SNX2: variants seen among roughly 807,000 people sequenced by gnomAD.
The protein encoded by SNX2 is sorting nexin-2.
Under a neutral mutation model 69.9 loss-of-function variants are expected in SNX2, and 25 were observed. That is an observed-to-expected ratio of 0.36 (90% CI 0.26 to 0.50). SNX2 has a LOEUF of 0.50. Ranked by LOEUF, SNX2 falls within the 20% of genes least tolerant of loss-of-function variation. The pLI is 0.97. For missense variants in SNX2, 551 were observed against 613.3 expected (o/e 0.90, Z 1.07); for synonymous variants, 229 against 200.4 (o/e 1.14, Z -1.20).
chr5:122,823,500 A>G (rs952151250), intron 11 of SNX2, among the ~76,000 whole-genome samples: 9 of 152,222 alleles, frequency 5.9e-5, no homozygotes, highest in East Asian at 1.9e-4. Flanking sequence ...TAGCATATCA[A>G]TGGAAAAGCC....
At chr5:122,808,433 T>C in intron 7 of SNX2, 78 bp downstream of exon 7, 1 of 1,039,896 alleles carries the variant, frequency 9.6e-7, no homozygotes, top group Non-Finnish European at 1.4e-6. Context: ...ATGGCAAAAC[T>C]GTGTTTTAAT....
At position 122,831,765 on chromosome 5, in the gene SNX2, G is replaced by A. The variant is rs939645744; in HGVS notation, c.*2117G>A. On this transcript the variant is annotated 3_prime_UTR_variant, in exon 15 of 15. Transcript: ENST00000379516. ...AAAGGTATAGTTTACACATAGGATG[G>A]TTATTCAAGTTATTATTAAAATCTT... Among the ~76,000 whole-genome samples the A allele has an allele frequency of 2.6e-5, 4 of 152,096 alleles. No individual in the cohort carries two copies. Among genetic ancestry groups the A allele is most frequent in the Non-Finnish European group, 5.9e-5 (4 of 68,024 alleles).
Position 122,817,266 on chromosome 5 carries a change from C to T in SNX2, c.913-14C>T. Reference sequence around the variant, plus strand: ...TTCTTCCTAAATTAGCTCCATTTTTCATTTTTTTCTTAGTGGTTTGAAGAA... The same window carrying T: ...TTCTTCCTAAATTAGCTCCATTTTTTATTTTTTTCTTAGTGGTTTGAAGAA... On this transcript the variant is annotated splice_polypyrimidine_tract_variant and intron_variant, in intron 9 of 14. Transcript: ENST00000379516. The T allele has an allele frequency of 6.2e-7, 1 of 1,609,894 alleles. No homozygotes were observed.
rs764868085 is a variant in SNX2 at position 122,801,973 on chromosome 5, ATTAG to A, written c.457+41_457+44del. The stretch of plus-strand genomic sequence containing the variant: ...TTATTATATTTTGTATTTACTTTTT[ATTAG>A]TTTGTTGGTTTTGTATGGTTTTTCT... On this transcript the variant is annotated intron_variant, in intron 4 of 14. Transcript: ENST00000379516. 1.9e-6 allele frequency: 3 copies of A among 1,546,852 alleles called. No individual in the cohort carries two copies. In the Admixed American group the frequency reaches 5.1e-5, roughly 26 times the overall value.
chr5:122,777,708 T>A (rs943837718), intron 1 of SNX2, among the ~76,000 whole-genome samples: 25 of 152,346 alleles, frequency 1.6e-4, no homozygotes, highest in Admixed American at 1.6e-3. Flanking sequence ...TTATTATTTT[T>A]AATTGACACA....
chr5:122,777,901 A>G (rs1752889600), intron 1 of SNX2, among the ~76,000 whole-genome samples: 1 of 152,212 alleles, frequency 6.6e-6, no homozygotes, highest in African/African-American at 2.4e-5. Flanking sequence ...ATTTTAGTCA[A>G]TGTATGGTGT....
chr5:122,798,245 A>G (rs1753429308), intron 2 of SNX2, among the ~76,000 whole-genome samples: 1 of 152,204 alleles, frequency 6.6e-6, no homozygotes, highest in East Asian at 1.9e-4. Context: ...TCACAGCCTG[A>G]ATTGCATATA....
At chr5:122,785,348 A>G (rs956578336) in intron 1 of SNX2, among the ~76,000 whole-genome samples, 7 of 151,492 alleles carry the variant, frequency 4.6e-5, no homozygotes, top group Non-Finnish European at 8.8e-5. Flanking sequence ...GAGTCACACT[A>G]TGTTGCCCAG....
intron 1 of SNX2, chr5:122,775,680 T>C: frequency 1.0e-6 from 1 of 986,270 alleles, no homozygotes; most frequent in African/African-American, 1.7e-5. Context: ...GGGGAACGAA[T>C]GGGTGCACTT....
At chr5:122,829,542 C>T (rs544581455) in intron 14 of SNX2, 56 bp from the exon 15 acceptor site, 32 of 1,355,116 alleles carry the variant, frequency 2.4e-5, no homozygotes, top group East Asian at 9.4e-5. Flanking sequence ...AGGATATATG[C>T]ATATAAATGA....
intron 11 of SNX2, 143 bp from the exon 12 acceptor site, chr5:122,825,907 C>A (rs189539710): frequency 1.4e-5 from 9 of 634,198 alleles, no homozygotes; most frequent in Non-Finnish European, 1.9e-5. Flanking sequence ...TTGATATTGG[C>A]ATACTTACTT....
At chr5:122,781,948 G>C (rs1018183287) in intron 1 of SNX2, among the ~76,000 whole-genome samples, 18 of 151,972 alleles carry the variant, frequency 1.2e-4, no homozygotes, top group African/African-American at 4.1e-4. Flanking sequence ...CTATGCTCTT[G>C]AGATTAATTA....
chr5:122,798,712 C>T (rs1753441436), intron 2 of SNX2, among the ~76,000 whole-genome samples: 1 of 152,108 alleles, frequency 6.6e-6, no homozygotes, highest in African/African-American at 2.4e-5. Context: ...CCTTTCCTGG[C>T]TCTGCTTTTT....
In SNX2 at chr5:122,829,696, TG is replaced by T. The variant is rs766584412; in HGVS notation, c.*49del. ...AAGACCTTGGATGTTGTTCCAGTTA[TG>T]CTGGATTCCACAGTGAAATCATTTA... On this transcript the variant is annotated 3_prime_UTR_variant, in exon 15 of 15. Transcript: ENST00000379516. The T allele has an allele frequency of 6.9e-7, 1 of 1,457,944 alleles. No individual in the cohort carries two copies. The highest frequency in any genetic ancestry group is 1.1e-5 in the South Asian group (1 of 87,696). The allele number at this position is 1,457,944 out of a possible 1,614,324, so 90.3% of individuals were successfully genotyped here.
At chr5:122,801,160 G>C (rs1190846558) in intron 3 of SNX2, among the ~76,000 whole-genome samples, 1 of 152,170 alleles carries the variant, frequency 6.6e-6, no homozygotes, top group East Asian at 1.9e-4. Context: ...TTAAAGGGTA[G>C]AGAGAGAACT....
chr5:122,812,844 T>C (rs1262250068), intron 7 of SNX2, among the ~76,000 whole-genome samples: 1 of 152,196 alleles, frequency 6.6e-6, no homozygotes, highest in African/African-American at 2.4e-5. Context: ...TTCTACCTTT[T>C]TATTCTCCCA....
intron 8 of SNX2, 106 bp from the exon 9 acceptor site, chr5:122,816,809 T>C: frequency 2.0e-6 from 1 of 502,722 alleles, no homozygotes; most frequent in South Asian, 2.2e-5. Flanking sequence ...TTTTTTAAAA[T>C]TTGTATGTGG....
At chr5:122,798,041 G>A (rs1223132439) in intron 2 of SNX2, among the ~76,000 whole-genome samples, 1 of 152,064 alleles carries the variant, frequency 6.6e-6, no homozygotes, top group African/African-American at 2.4e-5. Context: ...ACAATATTTT[G>A]CCTGTGAGTC....
At chr5:122,803,710 A>G in intron 6 of SNX2, 97 bp downstream of exon 6, 5 of 881,466 alleles carry the variant, frequency 5.7e-6, no homozygotes, top group Non-Finnish European at 8.7e-6. Flanking sequence ...CACTGTCAAC[A>G]TTTTATAATG....
Sources: gnomAD v4.1 joint callset for allele counts (sites outside exome capture counted in the v4.1 genomes callset) on GRCh38, gnomAD v4.1.1 for gene constraint, MANE v1.5 for transcripts, NCBI Gene and HGNC (gene_info 2026-07-23, HGNC 2026-07-21) for gene names.